Variants in SLC45A4 observed in about 807,000 individuals in gnomAD.
The protein encoded by SLC45A4 is solute carrier family 45 member 4.
In SLC45A4, 32 loss-of-function variants were observed where a neutral mutation model predicts 63.7. The ratio of observed to expected loss-of-function variants is 0.50; its 90% CI spans 0.38 to 0.67. The LOEUF is 0.67. Among genes scored for constraint, SLC45A4 ranks in the 30% least tolerant of loss-of-function variants. SLC45A4 has a pLI of 0.00. For missense variants in SLC45A4, 1,027 were observed against 1,157.7 expected, an observed-to-expected ratio of 0.89 and a Z score of 1.64; for synonymous variants, 535 against 510.0, an observed-to-expected ratio of 1.05 and a Z score of -0.66.
At chr8:141,258,721 A>G (rs1360369163) in intron 1 of SLC45A4, among the ~76,000 whole-genome samples, 1 of 150,952 alleles carries the variant, frequency 6.6e-6, no homozygotes, top group Admixed American at 6.6e-5. Flanking sequence ...CATCTCTATA[A>G]TTATTATTAT....
intron 1 of SLC45A4, among the ~76,000 whole-genome samples, chr8:141,285,394 G>A (rs1021818147): frequency 3.3e-5 from 5 of 152,232 alleles, no homozygotes; most frequent in Non-Finnish European, 4.4e-5. Flanking sequence ...AGTTACACGG[G>A]TTCGACCTTC....
chr8:141,289,525 G>C (rs1830272756), intron 1 of SLC45A4, among the ~76,000 whole-genome samples: 1 of 152,196 alleles, frequency 6.6e-6, no homozygotes, highest in Admixed American at 6.5e-5. Flanking sequence ...TATTTGAAGA[G>C]TGCAGAGAGG....
At chr8:141,272,091 C>A (rs1829562528) in intron 1 of SLC45A4, among the ~76,000 whole-genome samples, 1 of 152,238 alleles carries the variant, frequency 6.6e-6, no homozygotes, top group South Asian at 2.1e-4. Flanking sequence ...CATGTGCACG[C>A]AACACACAGG....
At chr8:141,260,182 C>T (rs1589825942) in intron 1 of SLC45A4, among the ~76,000 whole-genome samples, 1 of 152,198 alleles carries the variant, frequency 6.6e-6, no homozygotes, top group East Asian at 1.9e-4. Context: ...ATGAAAACAA[C>T]AAATATCTTT....
intron 1 of SLC45A4, among the ~76,000 whole-genome samples, chr8:141,265,325 C>G (rs550101598): frequency 3.3e-5 from 5 of 152,192 alleles, no homozygotes; most frequent in Non-Finnish European, 5.9e-5. Context: ...CCCCCAGTCA[C>G]TTCATCTCTA....
intron 1 of SLC45A4, among the ~76,000 whole-genome samples, chr8:141,280,708 C>A (rs563686398): frequency 6.6e-6 from 1 of 152,266 alleles, no homozygotes; most frequent in Non-Finnish European, 1.5e-5. Flanking sequence ...GGTTTTTGTT[C>A]GTGTAATGCG....
At chr8:141,302,609 G>A (rs1426043863) in intron 1 of SLC45A4, among the ~76,000 whole-genome samples, 2 of 152,200 alleles carry the variant, frequency 1.3e-5, no homozygotes, top group Non-Finnish European at 2.9e-5. Context: ...TAGGATTACA[G>A]GCATGAGCCA....
chr8:141,265,793 G>A (rs970455711), intron 1 of SLC45A4, among the ~76,000 whole-genome samples: 2 of 152,202 alleles, frequency 1.3e-5, no homozygotes, highest in African/African-American at 4.8e-5. Flanking sequence ...GAAACTTTTC[G>A]GGCAGATTTT....
rs1322904118 is a variant in SLC45A4, at chr8:141,240,159, G to A, written c.241+13830C>T. 2.6e-5 allele frequency among the ~76,000 whole-genome samples: 4 copies of A among 152,164 alleles called. No homozygotes were observed. In the South Asian group the frequency reaches 6.2e-4, roughly 24 times the overall value. On this transcript the variant is annotated intron_variant, in intron 2 of 8. Transcript: ENST00000517878. ...TACGCCCAGCCTCCTGAATTGAGAC[G>A]GACAAGAATAAACCTGACTTCCCCC...
intron 1 of SLC45A4, among the ~76,000 whole-genome samples, chr8:141,283,484 G>C (rs969467037): frequency 6.6e-6 from 1 of 152,190 alleles, no homozygotes; most frequent in Admixed American, 6.5e-5. Context: ...AAGGCTTCTC[G>C]CACTGCATCC....
At chr8:141,263,836 T>A (rs1038431566) in intron 1 of SLC45A4, among the ~76,000 whole-genome samples, 2 of 150,738 alleles carry the variant, frequency 1.3e-5, no homozygotes, top group Admixed American at 1.3e-4. Context: ...ATAAATAAAT[T>A]AATTAAGGGT....
At chr8:141,301,897 G>A (rs1174910064) in intron 1 of SLC45A4, among the ~76,000 whole-genome samples, 1 of 152,098 alleles carries the variant, frequency 6.6e-6, no homozygotes, top group Non-Finnish European at 1.5e-5. Flanking sequence ...AGGTGGTCAA[G>A]GCTGTAGCGA....
intron 1 of SLC45A4, among the ~76,000 whole-genome samples, chr8:141,272,054 A>G (rs985389103): frequency 6.6e-6 from 1 of 152,210 alleles, no homozygotes; most frequent in African/African-American, 2.4e-5. Context: ...TGCAACACAC[A>G]CCTGCGCACA....
chr8:141,224,292 T>TAAAAG, intron 2 of SLC45A4: 2 of 152,376 alleles, frequency 1.3e-5, no homozygotes, highest in Middle Eastern at 6.8e-3. Context: ...CTGCTGCTTT[T>TAAAAG]CAGCAGTTTG....
In SLC45A4 at chr8:141,221,528, A is replaced by G. The variant is rs1185433169; in HGVS notation, c.430+49T>C. On this transcript the variant is annotated intron_variant, in intron 3 of 8. Coordinates refer to ENST00000517878, the MANE Select transcript of SLC45A4 (RefSeq NM_001286646.2). ...TTAATGAGAGGAGCTACCCAGGGCCAGGACCCCGTCTGTGTTGTGAGGACA... is the reference window on the plus strand; with the variant it reads ...TTAATGAGAGGAGCTACCCAGGGCCGGGACCCCGTCTGTGTTGTGAGGACA... 1.9e-6 allele frequency: 3 copies of G among 1,571,490 alleles called. No homozygotes were observed. In the South Asian group the frequency reaches 3.5e-5, roughly 18 times the overall value.
intron 2 of SLC45A4, among the ~76,000 whole-genome samples, chr8:141,237,568 C>T (rs942076339): frequency 1.1e-4 from 16 of 152,228 alleles, no homozygotes; most frequent in Admixed American, 9.2e-4. Flanking sequence ...ATATTTTAAC[C>T]GTCCTTCCTA....
Position 141,253,993 on chromosome 8 carries a change from C to T in SLC45A4, c.237G>A (p.Gln79=), listed in dbSNP as rs1569558832. 1.3e-6 allele frequency: 2 copies of T among 1,536,144 alleles called. No individual in the cohort carries two copies. The highest frequency in any genetic ancestry group is 1.7e-6 in the Non-Finnish European group (2 of 1,146,876). The change falls in exon 2 of 9, where the codon CAG becomes CAA. Residue 79 remains glutamine, a synonymous_variant. Coordinates refer to ENST00000517878, the MANE Select transcript of SLC45A4 (RefSeq NM_001286646.2). ...ETALVTPILL[Q]IGLPEQYYSL... is the part of the protein sequence containing the mutation. ...ACAGACGGGGAGGAGACTTACCAAT[C>T]TGCAACAGTATTGGTGTGACCAGAG...
intron 2 of SLC45A4, among the ~76,000 whole-genome samples, chr8:141,250,882 T>TAAAAA (rs1251162196): frequency 1.3e-5 from 2 of 152,154 alleles, no homozygotes; most frequent in Non-Finnish European, 2.9e-5. Context: ...TAATAAATAA[T>TAAAAA]CAAAACAAAA....
chr8:141,285,457 C>T (rs971443751), intron 1 of SLC45A4, among the ~76,000 whole-genome samples: 3 of 152,178 alleles, frequency 2.0e-5, no homozygotes, highest in South Asian at 2.1e-4. Context: ...GCACTTGGCC[C>T]GAGGTCACGG....
Sources: allele counts gnomAD v4.1 joint callset (sites outside exome capture counted in the v4.1 genomes callset), GRCh38; gene constraint gnomAD v4.1.1; transcripts MANE v1.5; gene names NCBI Gene and HGNC (gene_info 2026-07-23, HGNC 2026-07-21).